MARCHF11: variants seen among roughly 807,000 people sequenced by gnomAD.
MARCHF11 encodes the protein E3 ubiquitin-protein ligase MARCHF11.
A neutral mutation model predicts 37.3 loss-of-function variants in MARCHF11; 29 were observed. The observed-to-expected ratio is 0.78, with a 90% CI of 0.58 to 1.06. The LOEUF (loss-of-function observed/expected upper bound fraction) is 1.06, where lower values mean the gene tolerates loss of function less well. Among genes scored for constraint, MARCHF11 ranks in the 50% least tolerant of loss-of-function variants. The probability of loss-of-function intolerance (pLI) is 0.00; values close to 1 mark genes in which losing one functional copy is unlikely to be tolerated. For synonymous variants in MARCHF11, 233 were observed against 228.0 expected, an observed-to-expected ratio of 1.02 and a Z score of -0.20; for missense variants, 482 against 533.4, an observed-to-expected ratio of 0.90 and a Z score of 0.95.
intron 2 of MARCHF11, among the ~76,000 whole-genome samples, chr5:16,113,104 AC>A (rs1737174343): frequency 6.6e-6 from 1 of 152,190 alleles, no homozygotes; most frequent in Non-Finnish European, 1.5e-5. Context: ...CATTGCCAAT[AC>A]CACTAGTAAA....
At chr5:16,099,040 G>A (rs567979010) in intron 2 of MARCHF11, among the ~76,000 whole-genome samples, 1 of 151,934 alleles carries the variant, frequency 6.6e-6, no homozygotes, top group South Asian at 2.1e-4. Flanking sequence ...CTCTTTTGAT[G>A]TACACACTCA....
At chr5:16,121,233 C>A (rs529535009) in intron 2 of MARCHF11, among the ~76,000 whole-genome samples, 1 of 152,316 alleles carries the variant, frequency 6.6e-6, no homozygotes, top group African/African-American at 2.4e-5. Context: ...AGTACAAACA[C>A]AACTCCAGCC....
chr5:16,110,283 T>C (rs575544082), intron 2 of MARCHF11, among the ~76,000 whole-genome samples: 2 of 152,308 alleles, frequency 1.3e-5, no homozygotes, highest in South Asian at 4.1e-4. Context: ...AAAATCATAA[T>C]GCAAAGAGTT....
chr5:16,166,452 T>A, intron 2 of MARCHF11, among the ~76,000 whole-genome samples: 1 of 24,026 alleles, frequency 4.2e-5, no homozygotes, highest in East Asian at 1.8e-3. Context: ...ATGGATCATG[T>A]GATACTTGAT....
intron 2 of MARCHF11, among the ~76,000 whole-genome samples, chr5:16,155,932 C>T (rs1224808012): frequency 1.3e-5 from 2 of 151,888 alleles, no homozygotes; most frequent in Non-Finnish European, 2.9e-5. Context: ...AGAAAACTCC[C>T]GAGCATACTC....
At chr5:16,131,751 T>C (rs1045404223) in intron 2 of MARCHF11, among the ~76,000 whole-genome samples, 1 of 152,212 alleles carries the variant, frequency 6.6e-6, no homozygotes, top group Non-Finnish European at 1.5e-5. Flanking sequence ...CATTTCATGA[T>C]GGACAGCTTA....
chr5:16,085,287 G>C (rs1456196684), intron 3 of MARCHF11, among the ~76,000 whole-genome samples: 1 of 151,982 alleles, frequency 6.6e-6, no homozygotes, highest in African/African-American at 2.4e-5. Flanking sequence ...CTCTGATCTT[G>C]ATCAGTTCTT....
intron 2 of MARCHF11, among the ~76,000 whole-genome samples, chr5:16,119,324 T>A (rs1737274147): frequency 6.6e-6 from 1 of 151,224 alleles, no homozygotes; most frequent in Non-Finnish European, 1.5e-5. Context: ...ATCGTACCAC[T>A]GCACTCCAGC....
chr5:16,078,527 G>A (rs1336489343), intron 3 of MARCHF11, among the ~76,000 whole-genome samples: 3 of 152,056 alleles, frequency 2.0e-5, no homozygotes, highest in African/African-American at 4.8e-5. Flanking sequence ...TGGTGCCCAC[G>A]GTTCCACATC....
At chr5:16,111,925 C>T (rs1031401612) in intron 2 of MARCHF11, among the ~76,000 whole-genome samples, 1 of 152,220 alleles carries the variant, frequency 6.6e-6, no homozygotes, top group African/African-American at 2.4e-5. Flanking sequence ...TGGGCCATGG[C>T]TTCAGAGGGT....
chr5:16,169,632 A>G (rs764287146), intron 2 of MARCHF11, among the ~76,000 whole-genome samples: 2 of 152,118 alleles, frequency 1.3e-5, no homozygotes, highest in Non-Finnish European at 2.9e-5. Context: ...TCTTACATCA[A>G]ATTCACTTGG....
intron 2 of MARCHF11, among the ~76,000 whole-genome samples, chr5:16,169,907 C>T (rs959111564): frequency 9.2e-5 from 14 of 152,038 alleles, no homozygotes; most frequent in East Asian, 3.9e-4. Flanking sequence ...AGAAAGAAGC[C>T]GAGTTTCCTT....
chr5:16,113,502 T>C (rs1737182006), intron 2 of MARCHF11, among the ~76,000 whole-genome samples: 1 of 152,144 alleles, frequency 6.6e-6, no homozygotes, highest in Non-Finnish European at 1.5e-5. Context: ...AAGGCTACCT[T>C]CCCTAAATGA....
At chr5:16,093,360 A>G (rs775711203) in intron 2 of MARCHF11, among the ~76,000 whole-genome samples, 2 of 152,188 alleles carry the variant, frequency 1.3e-5, no homozygotes, top group African/African-American at 2.4e-5. Context: ...TTTGGCTTCA[A>G]TTAGGCCTAC....
intron 3 of MARCHF11, among the ~76,000 whole-genome samples, chr5:16,088,702 T>C (rs752090496): frequency 7.9e-5 from 12 of 152,146 alleles, no homozygotes; most frequent in Non-Finnish European, 1.6e-4. Context: ...GACTAATTAG[T>C]GAAACTGCCA....
In MARCHF11 at chr5:16,179,689, G is replaced by A; in HGVS notation, c.-114C>T. The A allele has an allele frequency of 1.5e-6, 1 of 680,490 alleles. No individual in the cohort carries two copies. The highest frequency in any genetic ancestry group is 1.9e-6 in the Non-Finnish European group (1 of 528,670). The allele number at this position is 680,490 out of a possible 1,614,324, so 42.2% of individuals were successfully genotyped here. On this transcript the variant is annotated 5_prime_UTR_variant, in exon 1 of 4. Transcript: ENST00000332432. The stretch of plus-strand genomic sequence containing the variant: ...GAGGGGAAAAGGAGGGAGGGGGCCC[G>A]GACGCCTGGGGCTAGGGGGCGGGAC...
At chr5:16,073,743 T>C (rs1313022133) in intron 3 of MARCHF11, among the ~76,000 whole-genome samples, 1 of 152,134 alleles carries the variant, frequency 6.6e-6, no homozygotes, top group Non-Finnish European at 1.5e-5. Context: ...CATAAATTGA[T>C]ATCCTAAAAC....
Position 16,179,390 on chromosome 5 carries a change from G to A in MARCHF11, c.186C>T (p.Ala62=), listed in dbSNP as rs1579431597. 1 of 1,149,492 alleles carries A rather than the reference G, an allele frequency of 8.7e-7. No individual in the cohort carries two copies. The highest frequency in any genetic ancestry group is 4.2e-5 in the East Asian group (1 of 23,572). 71.2% of individuals were successfully genotyped at this position (1,149,492 alleles called of 1,614,324 possible). A position where few individuals can be genotyped will look rare whatever the true frequency, so the allele number is the denominator to read the frequency against. The change falls in exon 1 of 4, where the codon GCC becomes GCT. Residue 62 remains alanine (A), a synonymous_variant. Transcript: ENST00000332432. ...LPASPETPER[A]AGPSEPLGEV... The stretch of plus-strand genomic sequence containing the variant: ...CCCCTAGCGGCTCGCTTGGCCCCGC[G>A]GCGCGCTCGGGGGTCTCGGGGGACG...
intron 2 of MARCHF11, among the ~76,000 whole-genome samples, chr5:16,167,502 C>A (rs181994629): frequency 5.9e-5 from 9 of 152,222 alleles, no homozygotes; most frequent in Non-Finnish European, 1.5e-5. Flanking sequence ...AGGCTTTGAA[C>A]TGACTGGCTG....
Sources: gnomAD v4.1 joint callset for allele counts (sites outside exome capture counted in the v4.1 genomes callset) on GRCh38, gnomAD v4.1.1 for gene constraint, MANE v1.5 for transcripts, NCBI Gene and HGNC (gene_info 2026-07-23, HGNC 2026-07-21) for gene names.